The following WSCD2 variants were observed in gnomAD, a reference collection of about 807,000 sequenced individuals.
WSCD2 encodes the protein sialate:O-sulfotransferase 2.
In WSCD2, 28 loss-of-function variants were observed where a neutral mutation model predicts 55.7. The observed-to-expected ratio is 0.50, with a 90% CI of 0.37 to 0.69. The LOEUF is 0.69. Among genes scored for constraint, WSCD2 ranks in the 30% least tolerant of loss-of-function variants. The pLI is 0.00. For missense variants in WSCD2, 616 were observed against 762.1 expected (o/e 0.81, Z 2.26); for synonymous variants, 301 against 301.9 (o/e 1.00, Z 0.03).
At chr12:108,132,741 G>A (rs1875732124) in intron 1 of WSCD2, among the ~76,000 whole-genome samples, 1 of 152,206 alleles carries the variant, frequency 6.6e-6, no homozygotes, top group Non-Finnish European at 1.5e-5. Context: ...CCTGGTGCAT[G>A]TTTTCATAGC....
intron 1 of WSCD2, among the ~76,000 whole-genome samples, chr12:108,194,950 C>A (rs1035994807): frequency 6.6e-6 from 1 of 152,072 alleles, no homozygotes; most frequent in East Asian, 1.9e-4. Context: ...ATCCTTGGAT[C>A]AGTATATATT....
At chr12:108,207,125 C>G (rs1885494119) in intron 3 of WSCD2, among the ~76,000 whole-genome samples, 2 of 152,062 alleles carry the variant, frequency 1.3e-5, no homozygotes, top group Non-Finnish European at 2.9e-5. Flanking sequence ...TGGACAAGTC[C>G]CCAGAGGCCT....
intron 6 of WSCD2, among the ~76,000 whole-genome samples, chr12:108,228,024 G>T (rs1888332093): frequency 6.6e-6 from 1 of 151,844 alleles, no homozygotes. Flanking sequence ...TCTATGAGTT[G>T]GGAACAGTCA....
chr12:108,207,043 T>C lies in WSCD2; in HGVS notation c.497+640T>C, dbSNP rs12311121. 7.0e-3 allele frequency among the ~76,000 whole-genome samples: 1,070 copies of C among 152,290 alleles called. 6 individuals are homozygous for C. The highest frequency in any genetic ancestry group is 0.025 in the African/African-American group (1,018 of 41,544). On this transcript the variant is annotated intron_variant, in intron 3 of 8. Transcript: ENST00000547525. ...TGCCTGTTCAGACAGTGTTTTCCAA[T>C]CTAAGAAGACAACGATGATTTTTAT...
intron 1 of WSCD2, among the ~76,000 whole-genome samples, chr12:108,172,054 G>A (rs1331307317): frequency 6.6e-6 from 1 of 152,204 alleles, no homozygotes; most frequent in African/African-American, 2.4e-5. Flanking sequence ...GATTTCTAGG[G>A]TTTTTGGAAA....
chr12:108,183,830 A>G (rs1425419096), intron 1 of WSCD2, among the ~76,000 whole-genome samples: 1 of 152,022 alleles, frequency 6.6e-6, no homozygotes, highest in African/African-American at 2.4e-5. Context: ...TTGTTCTGCC[A>G]CTCACCAGCT....
At chr12:108,161,748 A>C (rs1257664360) in intron 1 of WSCD2, among the ~76,000 whole-genome samples, 1 of 152,160 alleles carries the variant, frequency 6.6e-6, no homozygotes, top group South Asian at 2.1e-4. Context: ...TGTTATTCCT[A>C]TGACCAGCAT....
intron 2 of WSCD2, among the ~76,000 whole-genome samples, chr12:108,200,692 A>G (rs1290001425): frequency 6.6e-6 from 1 of 152,232 alleles, no homozygotes; most frequent in African/African-American, 2.4e-5. Flanking sequence ...AATTTGAAAA[A>G]ATAATGGACA....
chr12:108,193,853 G>A (rs903367748), intron 1 of WSCD2, among the ~76,000 whole-genome samples: 1 of 152,194 alleles, frequency 6.6e-6, no homozygotes, highest in African/African-American at 2.4e-5. Flanking sequence ...AAGTGCCTAC[G>A]AGGGTGACAT....
chr12:108,236,620 G>A (rs1371508266), intron 7 of WSCD2, among the ~76,000 whole-genome samples: 2 of 150,934 alleles, frequency 1.3e-5, no homozygotes, highest in Non-Finnish European at 2.9e-5. Context: ...TCCTTTCTCT[G>A]CATGTCTACC....
intron 2 of WSCD2, among the ~76,000 whole-genome samples, chr12:108,197,405 G>C (rs1046554945): frequency 3.6e-5 from 1 of 27,984 alleles, no homozygotes; most frequent in Non-Finnish European, 6.6e-5. Context: ...ATGCTCACAG[G>C]GAGGCAAAGG....
chr12:108,248,383 C>A lies in WSCD2; in HGVS notation c.*40C>A. 2 of 1,580,028 alleles carry A rather than the reference C, an allele frequency of 1.3e-6. No individual in the cohort carries two copies. Among genetic ancestry groups the A allele is most frequent in the Admixed American group, 1.7e-5 (1 of 58,098 alleles). On this transcript the variant is annotated 3_prime_UTR_variant, in exon 9 of 9. Coordinates refer to ENST00000547525, the MANE Select transcript of WSCD2 (RefSeq NM_014653.4). The surrounding 1 kb of genome is among the most constrained non-coding windows in gnomAD (Gnocchi z 4.3). ...GGGAGGGTAGACTGGGAGTCCTGAC[C>A]ACGCAGGCCCTGGGGACTCAAGACC...
rs2136836789 is a variant in WSCD2, at chr12:108,129,289, A to T, written c.-1189A>T. Among the ~76,000 whole-genome samples the T allele has an allele frequency of 6.6e-6, 1 of 152,182 alleles. No individual in the cohort carries two copies. The highest frequency in any genetic ancestry group is 2.1e-4 in the South Asian group (1 of 4,822). On this transcript the variant is annotated 5_prime_UTR_variant, in exon 1 of 9. Transcript: ENST00000547525. ...TCCGTGCGAGGAGCGCGCCGGGCTGAGGCGCGCTGCTGGTGGCGGCGGCGG... is the reference window on the plus strand; with the variant it reads ...TCCGTGCGAGGAGCGCGCCGGGCTGTGGCGCGCTGCTGGTGGCGGCGGCGG...
At chr12:108,156,158 GAGA>G (rs751350525) in intron 1 of WSCD2, among the ~76,000 whole-genome samples, 8 of 152,256 alleles carry the variant, frequency 5.3e-5, no homozygotes, top group Non-Finnish European at 1.0e-4. Context: ...GTCAGATGGT[GAGA>G]AGATGAAGGC....
chr12:108,181,087 T>G lies in WSCD2; in HGVS notation c.-551-14195T>G, dbSNP rs1286041701. The stretch of plus-strand genomic sequence containing the variant: ...TGGAACTAGCCTGTCTGACTCCCTG[T>G]GCACTGCCATGGGCAGAGGGCGTCC... On this transcript the variant is annotated intron_variant, in intron 1 of 8. Transcript: ENST00000547525. Among the ~76,000 whole-genome samples, 3 of 152,228 alleles carry G rather than the reference T, an allele frequency of 2.0e-5. No homozygotes were observed. The East Asian group carries it at 5.8e-4, about 29-fold the overall frequency.
In WSCD2 at chr12:108,248,432, C is replaced by T. The variant is rs1159016479; in HGVS notation, c.*89C>T. 5.4e-6 allele frequency: 8 copies of T among 1,494,648 alleles called. No individual in the cohort carries two copies. In the East Asian group the frequency reaches 1.7e-4, roughly 31 times the overall value. 92.6% of individuals were successfully genotyped at this position (1,494,648 alleles called of 1,614,324 possible). ...CCCCTGGTTACCCCCACTCATCTGT[C>T]CTCTCTTTGGTCTGGGGACAATCCC... On this transcript the variant is annotated 3_prime_UTR_variant, in exon 9 of 9. Coordinates refer to ENST00000547525, the MANE Select transcript of WSCD2 (RefSeq NM_014653.4). The surrounding 1 kb of genome is among the most constrained non-coding windows in gnomAD (Gnocchi z 4.3).
chr12:108,212,614 C>CACACACAG (rs1491577607), intron 4 of WSCD2, among the ~76,000 whole-genome samples: 2 of 29,240 alleles, frequency 6.8e-5, no homozygotes, highest in African/African-American at 1.7e-4. Flanking sequence ...CTCTCTCTCT[C>CACACACAG]ACACACACAC....
intron 1 of WSCD2, among the ~76,000 whole-genome samples, chr12:108,178,438 G>A (rs751699269): frequency 2.0e-5 from 3 of 152,144 alleles, no homozygotes; most frequent in Non-Finnish European, 4.4e-5. Context: ...CTAGGCCTTT[G>A]CCTGACCCTT....
intron 5 of WSCD2, 25 bp downstream of exon 5, chr12:108,224,885 A>G: frequency 6.2e-7 from 1 of 1,608,806 alleles, no homozygotes; most frequent in South Asian, 1.1e-5. Flanking sequence ...GGGCCCATGG[A>G]ACTCAGGGGG....
Sources: allele counts gnomAD v4.1 joint callset (sites outside exome capture counted in the v4.1 genomes callset), GRCh38; gene constraint gnomAD v4.1.1; non-coding constraint Gnocchi (gnomAD v3.1); transcripts MANE v1.5; gene names NCBI Gene and HGNC (gene_info 2026-07-23, HGNC 2026-07-21).